The following AGBL1 variants were observed in gnomAD, a reference collection of about 807,000 sequenced individuals.
The protein encoded by AGBL1 is AGBL carboxypeptidase 1, also known as cytosolic carboxypeptidase 4.
In AGBL1, 130 loss-of-function variants were observed where a neutral mutation model predicts 118.9. The observed-to-expected ratio is 1.09, with a 90% CI of 0.95 to 1.26. AGBL1 has a LOEUF of 1.26. Among genes scored for constraint, AGBL1 ranks in the 50% most tolerant of loss-of-function variants. The probability of loss-of-function intolerance (pLI) is 0.00; values close to 1 mark genes in which losing one functional copy is unlikely to be tolerated. For synonymous variants in AGBL1, 555 were observed against 478.9 expected, an observed-to-expected ratio of 1.16 and a Z score of -2.08; for missense variants, 1,584 against 1,298.1, an observed-to-expected ratio of 1.22 and a Z score of -3.38.
At chr15:86,444,669 A>C (rs764242521) in intron 18 of AGBL1, among the ~76,000 whole-genome samples, 2 of 152,170 alleles carry the variant, frequency 1.3e-5, no homozygotes, top group Non-Finnish European at 2.9e-5. Flanking sequence ...ACCAGCAGAA[A>C]CATCCAGCAG....
intron 21 of AGBL1, among the ~76,000 whole-genome samples, chr15:86,649,155 C>T (rs2085331063): frequency 6.6e-6 from 1 of 152,060 alleles, no homozygotes; most frequent in Admixed American, 6.6e-5. Flanking sequence ...TGATGCATAC[C>T]TGAAAGAATT....
At chr15:86,652,097 A>C (rs1356454459) in intron 21 of AGBL1, among the ~76,000 whole-genome samples, 1 of 152,130 alleles carries the variant, frequency 6.6e-6, no homozygotes, top group African/African-American at 2.4e-5. Context: ...AATACAATAA[A>C]AAGGAAACCT....
In AGBL1 at chr15:86,176,303, G is replaced by A. The variant is rs553501929; in HGVS notation, c.488+17277G>A. The stretch of plus-strand genomic sequence containing the variant: ...AGATGGTGTGGTCATGGTGGTGGCA[G>A]TGGTGAGGACAGGCTTGTCTTCAGG... On this transcript the variant is annotated intron_variant, in intron 5 of 22. Transcript: ENST00000614907. Among the ~76,000 whole-genome samples, 5 of 152,284 alleles carry A rather than the reference G, an allele frequency of 3.3e-5. No homozygotes were observed. The South Asian group carries it at 1.0e-3, about 32-fold the overall frequency.
Position 86,227,620 on chromosome 15 carries a change from A to G in AGBL1, c.526+2669A>G, listed in dbSNP as rs902259912. On this transcript the variant is annotated intron_variant, in intron 6 of 22. Coordinates refer to ENST00000614907, the MANE Select transcript of AGBL1 (RefSeq NM_001386094.1). Reference sequence around the variant, plus strand: ...AATTTCCACTTGTTGAGAATCACTGATGTGTATGTATTTGGGTACACACAT... The same window carrying G: ...AATTTCCACTTGTTGAGAATCACTGGTGTGTATGTATTTGGGTACACACAT... 7.2e-5 allele frequency among the ~76,000 whole-genome samples: 11 copies of G among 152,254 alleles called. No homozygotes were observed. In the East Asian group the frequency reaches 1.9e-3, roughly 27 times the overall value.
At chr15:86,142,315 T>C (rs2076974460) in intron 2 of AGBL1, among the ~76,000 whole-genome samples, 1 of 152,226 alleles carries the variant, frequency 6.6e-6, no homozygotes, top group African/African-American at 2.4e-5. Flanking sequence ...TAACCCTCCG[T>C]GGTTCTACCC....
At chr15:86,494,381 A>G (rs969093635) in intron 18 of AGBL1, among the ~76,000 whole-genome samples, 2 of 151,966 alleles carry the variant, frequency 1.3e-5, no homozygotes, top group Non-Finnish European at 2.9e-5. Context: ...AGAATTTTGT[A>G]GGTGGTTCTG....
In AGBL1 at chr15:86,452,668, C is replaced by T. The variant is rs577941359; in HGVS notation, c.2555+55122C>T. On this transcript the variant is annotated intron_variant, in intron 18 of 22. Coordinates refer to ENST00000614907, the MANE Select transcript of AGBL1 (RefSeq NM_001386094.1). ...CAGAAGTACTTCAATGGCTCCAACTCAGTGATGGTAAACACCAACGTTCTT... is the reference window on the plus strand; with the variant it reads ...CAGAAGTACTTCAATGGCTCCAACTTAGTGATGGTAAACACCAACGTTCTT... Among the ~76,000 whole-genome samples the T allele has an allele frequency of 1.1e-4, 16 of 152,286 alleles. No individual in the cohort carries two copies. In the East Asian group the frequency reaches 3.1e-3, roughly 30 times the overall value.
At chr15:86,473,668 T>C (rs1474200854) in intron 18 of AGBL1, among the ~76,000 whole-genome samples, 2 of 152,242 alleles carry the variant, frequency 1.3e-5, no homozygotes, top group African/African-American at 4.8e-5. Context: ...CATTTTATCA[T>C]AGGACTGGAA....
chr15:86,152,286 A>G (rs2077123919), intron 3 of AGBL1, among the ~76,000 whole-genome samples: 1 of 152,238 alleles, frequency 6.6e-6, no homozygotes, highest in African/African-American at 2.4e-5. Flanking sequence ...AGGCTACAGT[A>G]ACCAAAACAG....
intron 18 of AGBL1, among the ~76,000 whole-genome samples, chr15:86,404,848 G>T (rs1353612356): frequency 6.6e-6 from 1 of 152,192 alleles, no homozygotes; most frequent in East Asian, 1.9e-4. Context: ...TGGACAGGAA[G>T]AAGTGTGTAG....
intron 24 of AGBL1, among the ~76,000 whole-genome samples, chr15:87,013,164 C>T (rs950061196): frequency 1.3e-5 from 2 of 152,164 alleles, no homozygotes; most frequent in Non-Finnish European, 2.9e-5. Context: ...TTAAATGTTA[C>T]TTCTTCTCAA....
intron 18 of AGBL1, among the ~76,000 whole-genome samples, chr15:86,463,787 C>T (rs545952840): frequency 2.6e-5 from 4 of 152,092 alleles, no homozygotes; most frequent in Non-Finnish European, 4.4e-5. Context: ...CTGTTCTGTT[C>T]CATTGGTCTA....
chr15:86,831,956 T>C (rs2079110676), intron 22 of AGBL1, among the ~76,000 whole-genome samples: 1 of 152,146 alleles, frequency 6.6e-6, no homozygotes. Context: ...TCTAGGCAAA[T>C]GTTGTCAAAC....
intron 21 of AGBL1, among the ~76,000 whole-genome samples, chr15:86,630,901 T>C (rs72762037): frequency 0.12 from 17,552 of 152,116 alleles, 1,153 homozygotes; most frequent in East Asian, 0.15. Flanking sequence ...ACAGATAACA[T>C]GAGGAGGTGT....
intron 22 of AGBL1, among the ~76,000 whole-genome samples, chr15:86,712,909 T>C (rs944096728): frequency 3.9e-5 from 6 of 152,164 alleles, no homozygotes; most frequent in African/African-American, 1.4e-4. Context: ...TCCAGCCTCA[T>C]TCCATGGTTC....
chr15:86,502,449 G>C (rs999860623), intron 18 of AGBL1, among the ~76,000 whole-genome samples: 3 of 151,088 alleles, frequency 2.0e-5, no homozygotes, highest in African/African-American at 7.3e-5. Flanking sequence ...AATTTCTCTG[G>C]CTAGGATCCA....
intron 17 of AGBL1, among the ~76,000 whole-genome samples, chr15:86,373,945 C>G (rs1302660560): frequency 6.6e-6 from 1 of 152,148 alleles, no homozygotes; most frequent in Non-Finnish European, 1.5e-5. Flanking sequence ...CTATTACTAA[C>G]TGATAATTCA....
In AGBL1 at chr15:86,959,384, GCTT is replaced by G. The variant is rs1306271880; in HGVS notation, c.3222-28597_3222-28595del. Among the ~76,000 whole-genome samples the G allele has an allele frequency of 2.0e-5, 3 of 152,158 alleles. No homozygotes were observed. In the East Asian group the frequency reaches 5.8e-4, roughly 29 times the overall value. On this transcript the variant is annotated intron_variant, in intron 23 of 24. Coordinates refer to the AGBL1 transcript ENST00000441037. ...CCAAATGCATGCCTTTCATTTCCAT[GCTT>G]CTTCTAAAAAATGTCCCTGCCTGGA...
intron 21 of AGBL1, among the ~76,000 whole-genome samples, chr15:86,662,592 T>G (rs1014028731): frequency 6.6e-6 from 1 of 152,230 alleles, no homozygotes; most frequent in Non-Finnish European, 1.5e-5. Flanking sequence ...CATTGGCTGC[T>G]GCAATGATAG....
Sources: gnomAD v4.1 joint callset for allele counts (sites outside exome capture counted in the v4.1 genomes callset) on GRCh38, gnomAD v4.1.1 for gene constraint, MANE v1.5 for transcripts, NCBI Gene and HGNC (gene_info 2026-07-23, HGNC 2026-07-21) for gene names.